SPATS2L: variants seen among roughly 807,000 people sequenced by gnomAD.
The protein encoded by SPATS2L is SPATS2-like protein.
SPATS2L carries 30 observed loss-of-function variants against 59.6 expected under a neutral mutation model. The ratio of observed to expected loss-of-function variants is 0.50; its 90% CI spans 0.38 to 0.68. The LOEUF is 0.68. Ranked by LOEUF, SPATS2L falls within the 30% of genes least tolerant of loss-of-function variation. SPATS2L has a pLI of 0.00. For synonymous variants in SPATS2L, 252 were observed against 263.5 expected, an observed-to-expected ratio of 0.96 and a Z score of 0.42; for missense variants, 615 against 700.0, an observed-to-expected ratio of 0.88 and a Z score of 1.37.
At chr2:200,361,689 A>AT (rs2081112254) in intron 2 of SPATS2L, among the ~76,000 whole-genome samples, 1 of 152,188 alleles carries the variant, frequency 6.6e-6, no homozygotes, top group Admixed American at 6.5e-5. Context: ...CTTTGCCATC[A>AT]TGCACCTGTT....
intron 1 of SPATS2L, among the ~76,000 whole-genome samples, chr2:200,314,428 C>G (rs1386846125): frequency 1.3e-5 from 2 of 152,222 alleles, no homozygotes; most frequent in Non-Finnish European, 2.9e-5. Flanking sequence ...ACTGGTCTCT[C>G]TGGCTTCTGC....
At chr2:200,354,830 T>A (rs2080859734) in intron 2 of SPATS2L, among the ~76,000 whole-genome samples, 1 of 152,198 alleles carries the variant, frequency 6.6e-6, no homozygotes, top group African/African-American at 2.4e-5. Context: ...AAAATATTTT[T>A]CGATTTAAGA....
intron 10 of SPATS2L, among the ~76,000 whole-genome samples, chr2:200,468,557 G>A (rs2086792726): frequency 6.6e-6 from 1 of 152,188 alleles, no homozygotes; most frequent in Non-Finnish European, 1.5e-5. Flanking sequence ...GCCCCATGGG[G>A]AAGAGGACCT....
chr2:200,394,440 C>CTGT (rs1381979373), intron 3 of SPATS2L, among the ~76,000 whole-genome samples: 1 of 152,202 alleles, frequency 6.6e-6, no homozygotes, highest in Non-Finnish European at 1.5e-5. Context: ...TCCACTGCAG[C>CTGT]TGTTATTCCA....
At chr2:200,374,823 A>G (rs2081543704) in intron 2 of SPATS2L, among the ~76,000 whole-genome samples, 1 of 152,226 alleles carries the variant, frequency 6.6e-6, no homozygotes, top group African/African-American at 2.4e-5. Context: ...TGTTAGGTAG[A>G]TTGAATAACT....
At chr2:200,310,301 A>G (rs1233614227) in intron 1 of SPATS2L, among the ~76,000 whole-genome samples, 1 of 152,194 alleles carries the variant, frequency 6.6e-6, no homozygotes, top group African/African-American at 2.4e-5. Context: ...AGATGTAGGA[A>G]CCATTGCTGA....
intron 8 of SPATS2L, among the ~76,000 whole-genome samples, chr2:200,454,102 T>C (rs2085662885): frequency 6.6e-6 from 1 of 152,216 alleles, no homozygotes; most frequent in Non-Finnish European, 1.5e-5. Context: ...TGGGATCAGA[T>C]GGTCCCCGGC....
At chr2:200,400,085 A>G (rs528167208) in intron 3 of SPATS2L, among the ~76,000 whole-genome samples, 1 of 152,320 alleles carries the variant, frequency 6.6e-6, no homozygotes, top group African/African-American at 2.4e-5. Context: ...TAGAAGCAGA[A>G]GATTAAAGTG....
At chr2:200,307,061 C>T (rs1225569123) in intron 1 of SPATS2L, 139 bp downstream of exon 1, 4 of 726,708 alleles carry the variant, frequency 5.5e-6, no homozygotes, top group African/African-American at 1.9e-5. Context: ...TCCGCCGCCT[C>T]CCGGAGCGCT....
chr2:200,397,832 G>GAA (rs914051724), intron 3 of SPATS2L, among the ~76,000 whole-genome samples: 1 of 150,106 alleles, frequency 6.7e-6, no homozygotes, highest in African/African-American at 2.4e-5. Context: ...GGTATAATTA[G>GAA]AAAAAAAAAC....
chr2:200,389,298 T>G lies in SPATS2L; in HGVS notation c.39+15T>G. 1 of 1,563,044 alleles carries G rather than the reference T, an allele frequency of 6.4e-7. No homozygotes were observed. The highest frequency in any genetic ancestry group is 8.7e-7 in the Non-Finnish European group (1 of 1,149,558). On this transcript the variant is annotated intron_variant, in intron 3 of 12. Coordinates refer to ENST00000409140, the MANE Select transcript of SPATS2L (RefSeq NM_001100423.2). ...TCAAGGAAAAGGTAAGATCAAGTTA[T>G]ACGTTGGCTCACAGAAACTCCAAAC...
intron 1 of SPATS2L, among the ~76,000 whole-genome samples, chr2:200,313,641 G>GC (rs1259601943): frequency 1.3e-5 from 2 of 152,124 alleles, no homozygotes; most frequent in African/African-American, 4.8e-5. Flanking sequence ...AACGATGAAC[G>GC]CTTTTGGTCG....
intron 1 of SPATS2L, among the ~76,000 whole-genome samples, chr2:200,323,928 C>T (rs910549536): frequency 3.3e-5 from 5 of 152,118 alleles, no homozygotes; most frequent in African/African-American, 7.2e-5. Context: ...GGAAAGGGAA[C>T]GGGAATTTGG....
intron 6 of SPATS2L, among the ~76,000 whole-genome samples, chr2:200,432,784 G>T (rs2084021518): frequency 6.6e-6 from 1 of 152,126 alleles, no homozygotes; most frequent in African/African-American, 2.4e-5. Flanking sequence ...TGAAGAAAAA[G>T]AAAATTTAAG....
chr2:200,449,300 T>G (rs2085280137), intron 8 of SPATS2L, among the ~76,000 whole-genome samples: 1 of 152,230 alleles, frequency 6.6e-6, no homozygotes, highest in Non-Finnish European at 1.5e-5. Context: ...CTTTTCAGTT[T>G]AGGTATAGTC....
chr2:200,468,362 A>ACACACACACACACACACACACACAC lies in SPATS2L; in HGVS notation c.957+980_957+981insACACACACCACACACACACACACAC, dbSNP rs1559160381. 3.3e-5 allele frequency among the ~76,000 whole-genome samples: 5 copies of ACACACACACACACACACACACACAC among 151,238 alleles called. No individual in the cohort carries two copies. In the South Asian group the frequency reaches 1.1e-3, roughly 32 times the overall value. Reference sequence around the variant, plus strand: ...CCCAGTATACTACACACACACACACACACACACACACACACACGCCTTCCA... The same window carrying ACACACACACACACACACACACACAC: ...CCCAGTATACTACACACACACACACACACACACACACACACACACACACACCACACACACACACACACGCCTTCCA... On this transcript the variant is annotated intron_variant, in intron 10 of 12. Transcript: ENST00000409140.
chr2:200,437,408 A>C (rs2084372986), intron 6 of SPATS2L, among the ~76,000 whole-genome samples: 1 of 152,164 alleles, frequency 6.6e-6, no homozygotes, highest in Non-Finnish European at 1.5e-5. Flanking sequence ...CTCCAACAGA[A>C]TCACCTGGGG....
chr2:200,393,389 C>A, intron 3 of SPATS2L: 1 of 454,222 alleles, frequency 2.2e-6, no homozygotes, highest in South Asian at 1.6e-5. Context: ...AGTGTAAATG[C>A]TCCATGCATA....
chr2:200,405,222 A>G (rs757438931), intron 3 of SPATS2L, among the ~76,000 whole-genome samples: 3 of 152,156 alleles, frequency 2.0e-5, no homozygotes, highest in Non-Finnish European at 4.4e-5. Context: ...CTTCATCCCA[A>G]TCAGATCCCC....
Sources: gnomAD v4.1 joint callset for allele counts (sites outside exome capture counted in the v4.1 genomes callset) on GRCh38, gnomAD v4.1.1 for gene constraint, MANE v1.5 for transcripts, NCBI Gene and HGNC (gene_info 2026-07-23, HGNC 2026-07-21) for gene names.